ANKIB1: variants seen among roughly 807,000 people sequenced by gnomAD.
ANKIB1 encodes ankyrin repeat and IBR domain-containing protein 1.
A neutral mutation model predicts 122.1 loss-of-function variants in ANKIB1; 43 were observed. That is an observed-to-expected ratio of 0.35 (90% CI 0.28 to 0.45). The LOEUF is 0.45. ANKIB1 is among the 20% of genes least tolerant of loss of function. The pLI, the probability that ANKIB1 is intolerant of heterozygous loss-of-function variation, is 1.00. For missense variants in ANKIB1, 992 were observed against 1,329.5 expected (o/e 0.75, Z 3.95); for synonymous variants, 390 against 442.0 (o/e 0.88, Z 1.48).
At chr7:92,380,487 C>T (rs568735642) in intron 11 of ANKIB1, among the ~76,000 whole-genome samples, 4 of 152,146 alleles carry the variant, frequency 2.6e-5, no homozygotes, top group East Asian at 1.9e-4. Flanking sequence ...CATTAGGGGC[C>T]GACTGACACC....
intron 9 of ANKIB1, among the ~76,000 whole-genome samples, chr7:92,358,276 C>T (rs1031090446): frequency 6.6e-6 from 1 of 152,194 alleles, no homozygotes; most frequent in Non-Finnish European, 1.5e-5. Context: ...CTCTTTAATT[C>T]ACAGTCCATG....
chr7:92,374,006 T>C (rs921319442), intron 11 of ANKIB1, among the ~76,000 whole-genome samples: 1 of 152,172 alleles, frequency 6.6e-6, no homozygotes, highest in African/African-American at 2.4e-5. Flanking sequence ...ATTACTAAGG[T>C]ATATCTGTTC....
intron 3 of ANKIB1, among the ~76,000 whole-genome samples, chr7:92,312,038 T>C (rs1802701437): frequency 6.6e-6 from 1 of 152,190 alleles, no homozygotes; most frequent in African/African-American, 2.4e-5. Flanking sequence ...TATCTCCTTA[T>C]CCAGTATTGA....
At chr7:92,324,898 A>G (rs1001630098) in intron 4 of ANKIB1, among the ~76,000 whole-genome samples, 4 of 152,248 alleles carry the variant, frequency 2.6e-5, no homozygotes, top group African/African-American at 7.2e-5. Context: ...AGGAACAAAG[A>G]TAAGTGACTA....
At chr7:92,365,944 T>C (rs539032753) in intron 10 of ANKIB1, among the ~76,000 whole-genome samples, 16 of 151,744 alleles carry the variant, frequency 1.1e-4, no homozygotes, top group African/African-American at 3.4e-4. Context: ...TACAGGCACC[T>C]GCCACCATGC....
At chr7:92,308,253 T>C (rs1366847655) in intron 3 of ANKIB1, among the ~76,000 whole-genome samples, 1 of 152,118 alleles carries the variant, frequency 6.6e-6, no homozygotes, top group Non-Finnish European at 1.5e-5. Flanking sequence ...TGTAGTAAAG[T>C]GGAGCCAAGA....
intron 11 of ANKIB1, among the ~76,000 whole-genome samples, chr7:92,382,393 T>C (rs989266092): frequency 6.6e-6 from 1 of 152,220 alleles, no homozygotes; most frequent in Non-Finnish European, 1.5e-5. Flanking sequence ...GCAGACCTAA[T>C]AGACATCTAC....
chr7:92,325,235 G>C (rs1240134017), intron 4 of ANKIB1, among the ~76,000 whole-genome samples: 1 of 152,180 alleles, frequency 6.6e-6, no homozygotes, highest in Non-Finnish European at 1.5e-5. Context: ...CCCACTCTTA[G>C]TCTATATAAC....
At chr7:92,368,591 G>A (rs891664971) in intron 10 of ANKIB1, among the ~76,000 whole-genome samples, 2 of 151,766 alleles carry the variant, frequency 1.3e-5, no homozygotes, top group African/African-American at 4.8e-5. Context: ...TGTGGTGGCG[G>A]GCACCTGTAG....
At chr7:92,363,829 C>G (rs1459492255) in intron 10 of ANKIB1, among the ~76,000 whole-genome samples, 2 of 152,162 alleles carry the variant, frequency 1.3e-5, no homozygotes, top group Non-Finnish European at 2.9e-5. Flanking sequence ...TATTCTGACC[C>G]ACGGAGAAGA....
intron 1 of ANKIB1, among the ~76,000 whole-genome samples, chr7:92,257,411 A>C (rs780864820): frequency 6.6e-6 from 1 of 152,194 alleles, no homozygotes; most frequent in Non-Finnish European, 1.5e-5. Context: ...GGGAATGAAA[A>C]AAGGGCATGC....
chr7:92,366,966 A>G (rs770904812), intron 10 of ANKIB1, among the ~76,000 whole-genome samples: 1 of 152,240 alleles, frequency 6.6e-6, no homozygotes, highest in Non-Finnish European at 1.5e-5. Flanking sequence ...GAAGGGGAAG[A>G]AGAATGGCCT....
At chr7:92,381,975 A>G (rs1018159149) in intron 11 of ANKIB1, among the ~76,000 whole-genome samples, 3 of 152,144 alleles carry the variant, frequency 2.0e-5, no homozygotes, top group Non-Finnish European at 2.9e-5. Flanking sequence ...AGACTTATCA[A>G]TGTGCTGTAT....
intron 9 of ANKIB1, among the ~76,000 whole-genome samples, chr7:92,354,791 CTCT>C: frequency 6.6e-6 from 1 of 152,246 alleles, no homozygotes; most frequent in South Asian, 2.1e-4. Context: ...TTGCTCTTAT[CTCT>C]TATTTCAATG....
At chr7:92,345,758 T>C (rs905114469) in intron 7 of ANKIB1, among the ~76,000 whole-genome samples, 3 of 152,164 alleles carry the variant, frequency 2.0e-5, no homozygotes, top group Non-Finnish European at 4.4e-5. Context: ...AGATATGTCA[T>C]TGGTATTTAA....
intron 2 of ANKIB1, among the ~76,000 whole-genome samples, chr7:92,302,591 A>G (rs1359217604): frequency 2.0e-5 from 3 of 152,226 alleles, no homozygotes; most frequent in Admixed American, 6.5e-5. Flanking sequence ...TAATTTGGAT[A>G]TATAATTCAT....
chr7:92,250,030 TA>T (rs1801293112), intron 1 of ANKIB1, among the ~76,000 whole-genome samples: 1 of 152,230 alleles, frequency 6.6e-6, no homozygotes, highest in Admixed American at 6.5e-5. Context: ...TAACAGTTTT[TA>T]ATTCTCTAAT....
At chr7:92,330,714 C>T (rs1459710712) in intron 5 of ANKIB1, among the ~76,000 whole-genome samples, 2 of 151,844 alleles carry the variant, frequency 1.3e-5, no homozygotes, top group African/African-American at 4.8e-5. Context: ...TGGTGGTGGG[C>T]GCCTGTAGTC....
chr7:92,396,703 T>C (rs1013090039), intron 18 of ANKIB1, among the ~76,000 whole-genome samples: 1 of 152,234 alleles, frequency 6.6e-6, no homozygotes, highest in African/African-American at 2.4e-5. Flanking sequence ...ATTAGCTGTG[T>C]AACCTAGTCA....
Sources: gnomAD v4.1 joint callset for allele counts (sites outside exome capture counted in the v4.1 genomes callset) on GRCh38, gnomAD v4.1.1 for gene constraint, MANE v1.5 for transcripts, NCBI Gene and HGNC (gene_info 2026-07-23, HGNC 2026-07-21) for gene names.